The following RBFOX1 variants were observed in gnomAD, a reference collection of about 807,000 sequenced individuals.
The protein encoded by RBFOX1 is RNA binding fox-1 homolog 1, also known as RNA binding protein fox-1 homolog 1.
In RBFOX1, 8 loss-of-function variants were observed where a neutral mutation model predicts 57.7. That is an observed-to-expected ratio of 0.14 (90% CI 0.08 to 0.25). The LOEUF is 0.25. Among genes scored for constraint, RBFOX1 ranks in the 10% least tolerant of loss-of-function variants. RBFOX1 has a pLI of 1.00. For synonymous variants in RBFOX1, 326 were observed against 222.4 expected (o/e 1.47, Z -4.15); for missense variants, 611 against 548.5 (o/e 1.11, Z -1.14).
chr16:7,452,493 C>T (rs1434615167), intron 4 of RBFOX1, among the ~76,000 whole-genome samples: 1 of 152,152 alleles, frequency 6.6e-6, no homozygotes, highest in South Asian at 2.1e-4. Flanking sequence ...CAGAAAGTAC[C>T]TTTTCTCTCT....
chr16:6,451,051 C>T (rs2094611106), intron 2 of RBFOX1, among the ~76,000 whole-genome samples: 1 of 150,704 alleles, frequency 6.6e-6, no homozygotes, highest in Non-Finnish European at 1.5e-5. Context: ...AACCACACCT[C>T]CATATTTCTT....
Position 6,487,351 on chromosome 16 carries a change from G to C in RBFOX1, c.-63-167252G>C, listed in dbSNP as rs117776025. 3.3e-5 allele frequency among the ~76,000 whole-genome samples: 5 copies of C among 152,052 alleles called. No individual in the cohort carries two copies. In the South Asian group the frequency reaches 6.2e-4, roughly 19 times the overall value. On this transcript the variant is annotated intron_variant, in intron 2 of 15. Transcript: ENST00000550418. ...ATAAAAATTTCAAAGTGTTCTTTCT[G>C]TTGAGGTGCTTGCATAACCTATAGG...
chr16:6,401,763 A>G (rs947206485), intron 2 of RBFOX1, among the ~76,000 whole-genome samples: 2 of 152,146 alleles, frequency 1.3e-5, no homozygotes, highest in African/African-American at 4.8e-5. Flanking sequence ...TTCATGGAAA[A>G]CATTAAATGA....
intron 1 of RBFOX1, among the ~76,000 whole-genome samples, chr16:5,397,775 G>T (rs1436153482): frequency 6.6e-6 from 1 of 152,168 alleles, no homozygotes; most frequent in Admixed American, 6.5e-5. Context: ...AATGAAAATA[G>T]ACTTGATATT....
chr16:5,241,225 C>T (rs921244154), intron 1 of RBFOX1, among the ~76,000 whole-genome samples: 16 of 152,200 alleles, frequency 1.1e-4, no homozygotes, highest in Non-Finnish European at 2.2e-4. Context: ...GTGACATCCT[C>T]ATCTCCCCGT....
At chr16:5,449,852 C>T (rs1382671504) in intron 1 of RBFOX1, among the ~76,000 whole-genome samples, 1 of 152,150 alleles carries the variant, frequency 6.6e-6, no homozygotes, top group African/African-American at 2.4e-5. Context: ...AAGTGATCGT[C>T]CCACCTCAGC....
intron 4 of RBFOX1, among the ~76,000 whole-genome samples, chr16:7,343,495 C>A (rs141946193): frequency 6.6e-6 from 1 of 152,274 alleles, no homozygotes; most frequent in East Asian, 1.9e-4. Flanking sequence ...AGAGGAGCTG[C>A]CCTCTGAGCA....
chr16:7,220,968 C>T (rs1433081504), intron 4 of RBFOX1, among the ~76,000 whole-genome samples: 3 of 152,134 alleles, frequency 2.0e-5, no homozygotes, highest in South Asian at 2.1e-4. Flanking sequence ...GAAAGGGACA[C>T]CTGTCCAGGT....
intron 1 of RBFOX1, among the ~76,000 whole-genome samples, chr16:5,384,933 T>A (rs482616): frequency 0.55 from 82,997 of 151,820 alleles, 23,095 homozygotes; most frequent in African/African-American, 0.59. Context: ...CCTGGCTCAG[T>A]ATGTGGCTCA....
intron 3 of RBFOX1, among the ~76,000 whole-genome samples, chr16:5,841,963 G>A (rs544153903): frequency 2.3e-3 from 354 of 152,300 alleles, no homozygotes; most frequent in Non-Finnish European, 4.4e-3. Context: ...TGGGCTGGTG[G>A]GCTGCCATCC....
intron 4 of RBFOX1, among the ~76,000 whole-genome samples, chr16:7,450,392 CAAAAA>C (rs57188328): frequency 4.3e-5 from 3 of 69,578 alleles, no homozygotes; most frequent in African/African-American, 1.2e-4. Flanking sequence ...GACTCTGTCT[CAAAAA>C]AAAAAAAAAA....
At chr16:7,261,276 T>G (rs936549073) in intron 4 of RBFOX1, among the ~76,000 whole-genome samples, 1 of 152,204 alleles carries the variant, frequency 6.6e-6, no homozygotes, top group Non-Finnish European at 1.5e-5. Context: ...CAGTATATGA[T>G]GTATAAAGTG....
chr16:6,136,461 C>T (rs958347353), intron 1 of RBFOX1, among the ~76,000 whole-genome samples: 12 of 152,076 alleles, frequency 7.9e-5, no homozygotes, highest in African/African-American at 2.4e-4. Flanking sequence ...TGGAGAATTG[C>T]GGTGATAAGG....
intron 3 of RBFOX1, among the ~76,000 whole-genome samples, chr16:5,796,885 A>G (rs1291518493): frequency 1.3e-5 from 2 of 152,092 alleles, no homozygotes; most frequent in Non-Finnish European, 2.9e-5. Context: ...TTGTTTGTTC[A>G]TCGATTATTT....
At position 7,168,680 on chromosome 16, in the gene RBFOX1, C is replaced by T. The variant is rs554007122; in HGVS notation, c.27+116582C>T. ...CTCCACCACTTCTAGCCATAACTTC[C>T]TTTCCTTCCTGTTACAAATTTTCTT... On this transcript the variant is annotated intron_variant, in intron 4 of 15. Coordinates refer to ENST00000550418, the MANE Select transcript of RBFOX1 (RefSeq NM_018723.4). 2.2e-4 allele frequency among the ~76,000 whole-genome samples: 33 copies of T among 152,248 alleles called. No homozygotes were observed. The South Asian group carries it at 6.8e-3, about 32-fold the overall frequency.
rs1567619543 is a variant in RBFOX1 at position 7,186,586 on chromosome 16, T to TTAAACATATTTATATAAATATAAGCA, written c.27+134512_27+134537dup. Among the ~76,000 whole-genome samples, 4 of 52,764 alleles carry TTAAACATATTTATATAAATATAAGCA rather than the reference T, an allele frequency of 7.6e-5. 2 individuals are homozygous for TTAAACATATTTATATAAATATAAGCA. Among genetic ancestry groups the TTAAACATATTTATATAAATATAAGCA allele is most frequent in the Admixed American group, 3.2e-4 (2 of 6,322 alleles). 34.6% of individuals were successfully genotyped at this position (52,764 alleles called of 152,430 possible). Reference sequence around the variant, plus strand: ...TAAACATATTTATATAAATATAAGCTTAAACATATTTATATAAATATAAGC... The same window carrying TTAAACATATTTATATAAATATAAGCA: ...TAAACATATTTATATAAATATAAGCTTAAACATATTTATATAAATATAAGCATAAACATATTTATATAAATATAAGC... On this transcript the variant is annotated intron_variant, in intron 4 of 15. Transcript: ENST00000550418.
intron 1 of RBFOX1, among the ~76,000 whole-genome samples, chr16:5,445,280 G>A (rs1459593066): frequency 2.6e-5 from 4 of 152,132 alleles, no homozygotes. Flanking sequence ...TTTGATGAAG[G>A]TGACTTATCT....
intron 1 of RBFOX1, among the ~76,000 whole-genome samples, chr16:6,247,822 T>A (rs1031940089): frequency 6.6e-6 from 1 of 152,218 alleles, no homozygotes; most frequent in South Asian, 2.1e-4. Flanking sequence ...GAGAAAATTC[T>A]TTCCTAGCTC....
chr16:7,041,077 A>C (rs1483161616), intron 3 of RBFOX1, among the ~76,000 whole-genome samples: 4 of 133,510 alleles, frequency 3.0e-5, no homozygotes, highest in Admixed American at 7.7e-5. Context: ...CAACACGCCC[A>C]GCTAATTTTT....
Sources: allele counts gnomAD v4.1 joint callset (sites outside exome capture counted in the v4.1 genomes callset), GRCh38; gene constraint gnomAD v4.1.1; transcripts MANE v1.5; gene names NCBI Gene and HGNC (gene_info 2026-07-23, HGNC 2026-07-21).